The following ZNF516 variants were observed in gnomAD, a reference collection of about 807,000 sequenced individuals.
ZNF516 encodes the protein zinc finger protein 516.
ZNF516 carries 19 observed loss-of-function variants against 79.7 expected under a neutral mutation model. The ratio of observed to expected loss-of-function variants is 0.24; its 90% CI spans 0.17 to 0.35. The LOEUF (loss-of-function observed/expected upper bound fraction) is 0.35, where lower values mean the gene tolerates loss of function less well. Ranked by LOEUF, ZNF516 falls within the 10% of genes least tolerant of loss-of-function variation. The probability of loss-of-function intolerance (pLI) is 1.00; values close to 1 mark genes in which losing one functional copy is unlikely to be tolerated. For missense variants in ZNF516, 1,678 were observed against 1,679.5 expected, an observed-to-expected ratio of 1.00 and a Z score of 0.02; for synonymous variants, 877 against 739.5, an observed-to-expected ratio of 1.19 and a Z score of -3.02.
chr18:76,491,456 T>C (rs975607264), intron 1 of ZNF516, among the ~76,000 whole-genome samples: 2 of 134,306 alleles, frequency 1.5e-5, no homozygotes, highest in African/African-American at 5.5e-5. Context: ...CCCCCGCCTT[T>C]GTTATGGTGC....
intron 1 of ZNF516, among the ~76,000 whole-genome samples, chr18:76,473,602 C>T (rs553857670): frequency 1.5e-4 from 23 of 151,924 alleles, no homozygotes; most frequent in Non-Finnish European, 2.9e-4. Flanking sequence ...GAGATGGAGA[C>T]CATCCTAGCT....
intron 3 of ZNF516, chr18:76,387,494 A>G: frequency 6.6e-6 from 1 of 152,258 alleles, no homozygotes; most frequent in East Asian, 1.9e-4. Context: ...TTTATAAAAT[A>G]CAAATTGTTT....
Position 76,441,560 on chromosome 18 carries a change from C to G in ZNF516, c.1495G>C (p.Ala499Pro). 1 of 1,484,534 alleles carries G rather than the reference C, an allele frequency of 6.7e-7. No homozygotes were observed. Among genetic ancestry groups the G allele is most frequent in the Non-Finnish European group, 8.9e-7 (1 of 1,122,206 alleles). 92.0% of individuals were successfully genotyped at this position (1,484,534 alleles called of 1,614,324 possible). Residue 499 changes from alanine to proline, a missense_variant, in exon 3 of 7, where the codon GCG (alanine) becomes CCG (proline). Coordinates refer to ENST00000443185, the MANE Select transcript of ZNF516 (RefSeq NM_014643.4). Reference sequence around the variant, plus strand: ...GCTGCGGCCCTGCGGTTGGGGCGCGCGGCCGAGCGGGGATCGAGGTGGCCG... The same window carrying G: ...GCTGCGGCCCTGCGGTTGGGGCGCGGGGCCGAGCGGGGATCGAGGTGGCCG... ...PAGHLDPRSA[A>P]RPNRRAAATT...
At chr18:76,464,713 C>G (rs1913348281) in intron 1 of ZNF516, among the ~76,000 whole-genome samples, 1 of 149,868 alleles carries the variant, frequency 6.7e-6, no homozygotes, top group Admixed American at 6.6e-5. Context: ...GCACCCCCAG[C>G]CTGGCCATTT....
At chr18:76,416,878 G>C (rs2075438944) in intron 3 of ZNF516, among the ~76,000 whole-genome samples, 1 of 152,064 alleles carries the variant, frequency 6.6e-6, no homozygotes, top group Non-Finnish European at 1.5e-5. Flanking sequence ...AAATTAAAGG[G>C]GGGAGGGACT....
chr18:76,392,609 G>A (rs1286452989), intron 3 of ZNF516, among the ~76,000 whole-genome samples: 1 of 107,918 alleles, frequency 9.3e-6, no homozygotes. Context: ...GGAAGGGCAG[G>A]TGGGAAGACA....
At chr18:76,389,923 T>A (rs765799620) in intron 3 of ZNF516, among the ~76,000 whole-genome samples, 7 of 152,166 alleles carry the variant, frequency 4.6e-5, no homozygotes, top group Admixed American at 6.5e-5. Context: ...TCACCTGTGG[T>A]CCCGAGCGAT....
chr18:76,443,769 GAC>G (rs754025099), intron 2 of ZNF516, among the ~76,000 whole-genome samples: 2 of 152,178 alleles, frequency 1.3e-5, no homozygotes, highest in Non-Finnish European at 2.9e-5. Context: ...TCCTACAGTG[GAC>G]ACACACACCC....
chr18:76,385,127 G>A (rs991271233), intron 3 of ZNF516, among the ~76,000 whole-genome samples: 2 of 152,246 alleles, frequency 1.3e-5, no homozygotes, highest in Non-Finnish European at 2.9e-5. Flanking sequence ...GTGTGCACAC[G>A]CGTGCCACAG....
intron 3 of ZNF516, among the ~76,000 whole-genome samples, chr18:76,438,271 C>CATACAAA (rs2075770480): frequency 6.6e-6 from 1 of 152,202 alleles, no homozygotes; most frequent in Non-Finnish European, 1.5e-5. Context: ...TCTATTTTGG[C>CATACAAA]CCATACACTG....
chr18:76,433,339 T>TG (rs2075687054), intron 3 of ZNF516, among the ~76,000 whole-genome samples: 1 of 152,138 alleles, frequency 6.6e-6, no homozygotes, highest in Admixed American at 6.5e-5. Flanking sequence ...GTTCTCAGCG[T>TG]GAGTCCTGCG....
chr18:76,358,295 AAT>A lies in ZNF516; in HGVS notation c.*4201_*4202del, dbSNP rs1288676980. ...TAAAACATTGAATTACTTTTTCAGA[AAT>A]AGTTAAATACATCAATCTAGTTACA... On this transcript the variant is annotated 3_prime_UTR_variant, in exon 7 of 7. Coordinates refer to ENST00000443185, the MANE Select transcript of ZNF516 (RefSeq NM_014643.4). 1.3e-5 allele frequency: 2 copies of A among 152,286 alleles called. No individual in the cohort carries two copies. The highest frequency in any genetic ancestry group is 2.1e-4 in the South Asian group (1 of 4,836). The allele number at this position is 152,286 out of a possible 1,614,324, so 9.4% of individuals were successfully genotyped here.
At chr18:76,491,610 G>T (rs1354043337) in intron 1 of ZNF516, 3 of 329,482 alleles carry the variant, frequency 9.1e-6, no homozygotes, top group African/African-American at 7.1e-5. Flanking sequence ...GTGCTTCTCC[G>T]CCCCTTCCCG....
At chr18:76,423,134 G>C (rs780014161) in intron 3 of ZNF516, among the ~76,000 whole-genome samples, 17 of 152,128 alleles carry the variant, frequency 1.1e-4, no homozygotes, top group Non-Finnish European at 1.8e-4. Flanking sequence ...CCATTAAAAC[G>C]GATGTCCACA....
chr18:76,379,692 C>G lies in ZNF516; in HGVS notation c.2422G>C (p.Val808Leu). 1 of 1,613,710 alleles carries G rather than the reference C, an allele frequency of 6.2e-7. No individual in the cohort carries two copies. Among genetic ancestry groups the G allele is most frequent in the Non-Finnish European group, 8.5e-7 (1 of 1,179,894 alleles). The change falls in exon 4 of 7, where the codon GTT becomes CTT. Residue 808 changes from valine (V) to leucine (L), a missense_variant. Val to Leu is a conservative substitution (Grantham distance 32). This residue lies in a region of ZNF516 where 1,294 missense variants were observed against 1,248.3 expected (regional missense o/e 1.04). Coordinates refer to ENST00000443185, the MANE Select transcript of ZNF516 (RefSeq NM_014643.4). ...NGYKSIRSNL[V>L]FLSRSGRTGP... ...GTGCGTCCGCTCCGGGAAAGGAAAACCAAATTGCTTCTGATGCTTTTGTAA... is the reference window on the plus strand; with the variant it reads ...GTGCGTCCGCTCCGGGAAAGGAAAAGCAAATTGCTTCTGATGCTTTTGTAA...
intron 3 of ZNF516, among the ~76,000 whole-genome samples, chr18:76,409,207 T>C (rs1278407012): frequency 6.6e-6 from 1 of 152,222 alleles, no homozygotes; most frequent in African/African-American, 2.4e-5. Flanking sequence ...TGGATTCCAC[T>C]TCCTCTGCAC....
chr18:76,495,274 G>GGGGACGCGC (rs1915436587), upstream of ZNF516: 1 of 145,250 alleles, frequency 6.9e-6, no homozygotes, highest in South Asian at 2.1e-4. Context: ...CCCGGGCGCG[G>GGGGACGCGC]GGGACGCGCG....
chr18:76,416,565 TG>T (rs1226025386), intron 3 of ZNF516, among the ~76,000 whole-genome samples: 1 of 152,236 alleles, frequency 6.6e-6, no homozygotes, highest in East Asian at 1.9e-4. Context: ...AATTGTGATT[TG>T]GATTTTCTGC....
At position 76,359,387 on chromosome 18, in the gene ZNF516, T is replaced by TGG. The variant is rs1460519415; in HGVS notation, c.*3109_*3110dup. ...CCTTCCAGGGAACCAGGCAGAAAGG[T>TGG]GGGCAGGTACAGTGGCCAATTTCCC... On this transcript the variant is annotated 3_prime_UTR_variant, in exon 7 of 7. Transcript: ENST00000443185. 1 of 152,026 alleles carries TGG rather than the reference T, an allele frequency of 6.6e-6. No homozygotes were observed. The highest frequency in any genetic ancestry group is 1.5e-5 in the Non-Finnish European group (1 of 68,010). The allele number at this position is 152,026 out of a possible 1,614,324, so 9.4% of individuals were successfully genotyped here.
Sources: allele counts gnomAD v4.1 joint callset (sites outside exome capture counted in the v4.1 genomes callset), GRCh38; gene constraint gnomAD v4.1.1; regional missense constraint gnomAD v4.1.1; transcripts MANE v1.5; gene names NCBI Gene and HGNC (gene_info 2026-07-23, HGNC 2026-07-21).